Variants in AKAP19 observed in about 807,000 individuals in gnomAD.
AKAP19 encodes the protein A-kinase anchoring protein 19.
the AKAP19 span, among the ~76,000 whole-genome samples, chr2:190,050,254 C>T: frequency 1.3e-5 from 2 of 152,172 alleles, no homozygotes; most frequent in African/African-American, 4.8e-5. Flanking sequence ...CTGCCTGAGA[C>T]TGGCTGAAGC....
chr2:190,049,037 C>T, the AKAP19 span, among the ~76,000 whole-genome samples: 6 of 151,868 alleles, frequency 4.0e-5, no homozygotes, highest in African/African-American at 1.5e-4. Flanking sequence ...AAACTGGAAG[C>T]CATAAATAAA....
chr2:189,974,022 C>T, the AKAP19 span, among the ~76,000 whole-genome samples: 11 of 152,092 alleles, frequency 7.2e-5, no homozygotes, highest in African/African-American at 2.7e-4. Context: ...CTTCTGCTAG[C>T]TTTTGAATTT....
chr2:190,141,591 T>A, the AKAP19 span, among the ~76,000 whole-genome samples: 3 of 152,086 alleles, frequency 2.0e-5, no homozygotes, highest in Non-Finnish European at 4.4e-5. Flanking sequence ...TGAGAACTCA[T>A]TCACTATCAA....
At chr2:189,910,121 A>C in the AKAP19 span, among the ~76,000 whole-genome samples, 1 of 151,428 alleles carries the variant, frequency 6.6e-6, no homozygotes, top group Admixed American at 6.6e-5. Flanking sequence ...TTACCTTTGT[A>C]TTATGAAATT....
chr2:189,930,554 T>A, the AKAP19 span: 1 of 226,292 alleles, frequency 4.4e-6, no homozygotes, highest in African/African-American at 2.3e-5. Flanking sequence ...CGCGCCCCTG[T>A]AGTCCCAGCT....
chr2:190,061,833 T>G, the AKAP19 span, among the ~76,000 whole-genome samples: 84 of 151,994 alleles, frequency 5.5e-4, no homozygotes, highest in Non-Finnish European at 8.8e-4. Context: ...TTTTTTTCTG[T>G]TATTAGTGAA....
the AKAP19 span, among the ~76,000 whole-genome samples, chr2:190,047,122 A>G: frequency 6.6e-6 from 1 of 152,162 alleles, no homozygotes; most frequent in African/African-American, 2.4e-5. Flanking sequence ...ACAAGGACAT[A>G]CAAGCGGTGT....
At chr2:190,071,569 C>T in the AKAP19 span, among the ~76,000 whole-genome samples, 1 of 152,028 alleles carries the variant, frequency 6.6e-6, no homozygotes, top group Admixed American at 6.6e-5. Flanking sequence ...GTTCACACAA[C>T]AGTGAAAATG....
At chr2:190,151,008 C>T in the AKAP19 span, among the ~76,000 whole-genome samples, 1 of 151,996 alleles carries the variant, frequency 6.6e-6, no homozygotes, top group South Asian at 2.1e-4. Flanking sequence ...TCTTTGCTTA[C>T]TTGTCTATAA....
At chr2:190,096,166 G>A in the AKAP19 span, among the ~76,000 whole-genome samples, 18 of 152,114 alleles carry the variant, frequency 1.2e-4, no homozygotes, top group Non-Finnish European at 1.5e-5. Flanking sequence ...GTGACAACAT[G>A]GTTGGGCTGC....
At chr2:190,003,127 A>T in the AKAP19 span, among the ~76,000 whole-genome samples, 1 of 152,104 alleles carries the variant, frequency 6.6e-6, no homozygotes, top group African/African-American at 2.4e-5. Context: ...CTGATAGAAC[A>T]CTATTGACTT....
chr2:190,124,537 C>A, the AKAP19 span, among the ~76,000 whole-genome samples: 3 of 151,808 alleles, frequency 2.0e-5, no homozygotes, highest in African/African-American at 7.3e-5. Flanking sequence ...TAGTAAAACC[C>A]TATCTCTACA....
At chr2:189,911,910 C>T in the AKAP19 span, among the ~76,000 whole-genome samples, 1 of 151,542 alleles carries the variant, frequency 6.6e-6, no homozygotes, top group African/African-American at 2.4e-5. Context: ...ATAGTTACCT[C>T]AATTGTTTCT....
chr2:189,988,913 C>T, the AKAP19 span, among the ~76,000 whole-genome samples: 1 of 152,128 alleles, frequency 6.6e-6, no homozygotes, highest in African/African-American at 2.4e-5. Context: ...TTCTCTCTTT[C>T]TTCTTCCTTT....
At chr2:190,189,147 CA>C in the AKAP19 span, among the ~76,000 whole-genome samples, 1,231 of 152,192 alleles carry the variant, frequency 8.1e-3, 9 homozygotes, top group Non-Finnish European at 0.011. Context: ...GAGATCAGGT[CA>C]AGGACAGGGG....
the AKAP19 span, among the ~76,000 whole-genome samples, chr2:189,950,713 A>T: frequency 3.3e-5 from 5 of 152,190 alleles, no homozygotes; most frequent in Non-Finnish European, 5.9e-5. Context: ...TTGCCTATGT[A>T]TATAAATACA....
the AKAP19 span, among the ~76,000 whole-genome samples, chr2:189,908,852 A>G: frequency 6.6e-6 from 1 of 152,126 alleles, no homozygotes; most frequent in African/African-American, 2.4e-5. Flanking sequence ...GGAATGTTCT[A>G]TGTGTGTCCC....
chr2:190,059,427 G>A, the AKAP19 span, among the ~76,000 whole-genome samples: 2 of 151,814 alleles, frequency 1.3e-5, no homozygotes, highest in African/African-American at 4.8e-5. Context: ...AGGTGGCAAA[G>A]GTTAACTAGT....
At chr2:190,025,194 G>A in the AKAP19 span, among the ~76,000 whole-genome samples, 8 of 152,096 alleles carry the variant, frequency 5.3e-5, no homozygotes, top group African/African-American at 1.9e-4. Context: ...CTAATACAGG[G>A]TGTTCTTTCT....
Sources: gnomAD v4.1 joint callset for allele counts (sites outside exome capture counted in the v4.1 genomes callset) on GRCh38, gnomAD v4.1.1 for gene constraint, MANE v1.5 for transcripts, NCBI Gene and HGNC (gene_info 2026-07-23, HGNC 2026-07-21) for gene names.